Variants in CADM2 observed in about 807,000 individuals in gnomAD.
The protein encoded by CADM2 is cell adhesion molecule 2, also known as immunoglobulin superfamily member 4D.
In CADM2, 12 loss-of-function variants were observed where a neutral mutation model predicts 49.8. The observed-to-expected ratio is 0.24, with a 90% CI of 0.15 to 0.39. The LOEUF (loss-of-function observed/expected upper bound fraction) is 0.39, where lower values mean the gene tolerates loss of function less well. Among genes scored for constraint, CADM2 ranks in the 10% least tolerant of loss-of-function variants. CADM2 has a pLI of 1.00. For synonymous variants in CADM2, 214 were observed against 175.4 expected, an observed-to-expected ratio of 1.22 and a Z score of -1.74; for missense variants, 378 against 492.3, an observed-to-expected ratio of 0.77 and a Z score of 2.20.
chr3:85,720,089 T>C (rs2067444958), intron 1 of CADM2, among the ~76,000 whole-genome samples: 1 of 152,226 alleles, frequency 6.6e-6, no homozygotes, highest in Admixed American at 6.5e-5. Flanking sequence ...ATGTGTCTTT[T>C]AGGTTTCTCC....
rs373934571 is a variant in CADM2 at position 85,235,900 on chromosome 3, T to C, written c.61+276232T>C. ...CCTGTAGGTAACCACACTAAAGCTC[T>C]TATTTTACGCTGTATATTTTGTTGA... On this transcript the variant is annotated intron_variant, in intron 1 of 9. Coordinates refer to ENST00000383699, the MANE Select transcript of CADM2 (RefSeq NM_001167675.2). Among the ~76,000 whole-genome samples the C allele has an allele frequency of 2.6e-5, 4 of 152,272 alleles. No homozygotes were observed. The South Asian group carries it at 8.3e-4, about 32-fold the overall frequency.
chr3:85,505,059 C>G (rs1319441219), intron 1 of CADM2, among the ~76,000 whole-genome samples: 3 of 152,134 alleles, frequency 2.0e-5, no homozygotes, highest in African/African-American at 7.2e-5. Flanking sequence ...GCGCCTCTCC[C>G]TCCACACCTC....
chr3:85,755,555 T>G (rs2107878819), intron 2 of CADM2, among the ~76,000 whole-genome samples: 1 of 152,206 alleles, frequency 6.6e-6, no homozygotes, highest in East Asian at 1.9e-4. Flanking sequence ...ATTTGGCAAT[T>G]AATAAAGAAA....
At chr3:85,133,939 G>A (rs1392843632) in intron 1 of CADM2, among the ~76,000 whole-genome samples, 1 of 152,222 alleles carries the variant, frequency 6.6e-6, no homozygotes, top group African/African-American at 2.4e-5. Flanking sequence ...GGCTCAGGCC[G>A]CACAGGAGCC....
chr3:85,806,577 G>C (rs2072435892), intron 3 of CADM2, among the ~76,000 whole-genome samples: 2 of 151,958 alleles, frequency 1.3e-5, no homozygotes, highest in Admixed American at 6.6e-5. Context: ...CTTTCCTAGG[G>C]GTCTCTGTCA....
intron 1 of CADM2, among the ~76,000 whole-genome samples, chr3:85,683,918 T>G (rs149109905): frequency 1.2e-4 from 19 of 152,278 alleles, no homozygotes; most frequent in African/African-American, 3.4e-4. Context: ...AAAATATTAG[T>G]AGGTCAAATT....
At chr3:85,491,002 T>G (rs555200939) in intron 1 of CADM2, among the ~76,000 whole-genome samples, 1 of 152,344 alleles carries the variant, frequency 6.6e-6, no homozygotes, top group Admixed American at 6.5e-5. Flanking sequence ...ATATATTTTT[T>G]TACTTGCTCT....
chr3:85,083,929 A>G (rs1289339402), intron 1 of CADM2, among the ~76,000 whole-genome samples: 6 of 152,200 alleles, frequency 3.9e-5, no homozygotes, highest in Non-Finnish European at 8.8e-5. Context: ...AAATAAGCCT[A>G]TAATGATCGA....
intron 1 of CADM2, among the ~76,000 whole-genome samples, chr3:85,354,967 T>C (rs1332749275): frequency 1.3e-5 from 2 of 152,120 alleles, no homozygotes; most frequent in Non-Finnish European, 2.9e-5. Context: ...GAAACCCATG[T>C]CCAAAAAATG....
intron 8 of CADM2, among the ~76,000 whole-genome samples, chr3:86,027,222 G>A (rs1734008813): frequency 2.6e-5 from 4 of 152,000 alleles, no homozygotes; most frequent in African/African-American, 9.7e-5. Flanking sequence ...TCTTTCCACA[G>A]CATTAGTTTA....
chr3:85,975,464 G>A (rs1040000591), intron 8 of CADM2, among the ~76,000 whole-genome samples: 2 of 151,324 alleles, frequency 1.3e-5, no homozygotes, highest in African/African-American at 4.8e-5. Flanking sequence ...TTTAAATTGA[G>A]TCTAAATAAT....
chr3:85,024,613 G>A (rs1280571653), intron 1 of CADM2, among the ~76,000 whole-genome samples: 1 of 150,520 alleles, frequency 6.6e-6, no homozygotes, highest in Non-Finnish European at 1.5e-5. Flanking sequence ...TTTATGAGAT[G>A]TTACTATGAT....
chr3:85,029,919 T>C (rs1449243272), intron 1 of CADM2, among the ~76,000 whole-genome samples: 3 of 152,198 alleles, frequency 2.0e-5, no homozygotes, highest in African/African-American at 2.4e-5. Flanking sequence ...GATGTTTTAA[T>C]AGCACTTCTT....
intron 1 of CADM2, among the ~76,000 whole-genome samples, chr3:85,352,910 A>T (rs2107244368): frequency 6.6e-6 from 1 of 152,242 alleles, no homozygotes; most frequent in Middle Eastern, 3.4e-3. Flanking sequence ...TCCTAGAATG[A>T]TGCTAAGCTT....
At chr3:84,977,071 T>C (rs2031864948) in intron 1 of CADM2, among the ~76,000 whole-genome samples, 1 of 151,958 alleles carries the variant, frequency 6.6e-6, no homozygotes, top group South Asian at 2.1e-4. Flanking sequence ...GAAAAGAGAC[T>C]ATGCTGGTCA....
chr3:85,272,840 T>C (rs1008476649), intron 1 of CADM2, among the ~76,000 whole-genome samples: 2 of 151,238 alleles, frequency 1.3e-5, no homozygotes, highest in Admixed American at 6.6e-5. Context: ...AAGCCACTGA[T>C]ACACCAGTCA....
intron 2 of CADM2, among the ~76,000 whole-genome samples, chr3:85,740,206 G>T (rs2068324216): frequency 6.6e-6 from 1 of 152,142 alleles, no homozygotes; most frequent in South Asian, 2.1e-4. Flanking sequence ...TGTGTCTTTT[G>T]ATATCTGTAC....
chr3:85,156,246 AAGAG>A (rs1291306836), intron 1 of CADM2, among the ~76,000 whole-genome samples: 2 of 152,092 alleles, frequency 1.3e-5, no homozygotes, highest in African/African-American at 4.8e-5. Flanking sequence ...TAAAGAAAAA[AAGAG>A]AGAAGAATCA....
At chr3:85,925,837 G>C (rs1463908416) in intron 6 of CADM2, among the ~76,000 whole-genome samples, 1 of 151,960 alleles carries the variant, frequency 6.6e-6, no homozygotes, top group Non-Finnish European at 1.5e-5. Flanking sequence ...TAGATAGATA[G>C]ACAAATATAA....
Sources: allele counts gnomAD v4.1 joint callset (sites outside exome capture counted in the v4.1 genomes callset), GRCh38; gene constraint gnomAD v4.1.1; transcripts MANE v1.5; gene names NCBI Gene and HGNC (gene_info 2026-07-23, HGNC 2026-07-21).